DRICH1: variants seen among roughly 807,000 people sequenced by gnomAD.
DRICH1 encodes the protein aspartate-rich protein 1.
In DRICH1, 38 loss-of-function variants were observed where a neutral mutation model predicts 39.5. The ratio of observed to expected loss-of-function variants is 0.96; its 90% CI spans 0.74 to 1.26. The LOEUF is 1.26. Ranked by LOEUF, DRICH1 falls within the 50% of genes most tolerant of loss-of-function variation. The pLI is 0.00. For missense variants in DRICH1, 279 were observed against 270.4 expected, an observed-to-expected ratio of 1.03 and a Z score of -0.22; for synonymous variants, 84 against 99.5, an observed-to-expected ratio of 0.84 and a Z score of 0.93.
At chr22:23,588,042 A>G in the DRICH1 span, among the ~76,000 whole-genome samples, 2 of 152,166 alleles carry the variant, frequency 1.3e-5, no homozygotes, top group African/African-American at 4.8e-5. Flanking sequence ...CATGGAGCCC[A>G]GTCTCATACC....
chr22:23,616,404 A>G (rs1408832805), intron 8 of DRICH1, among the ~76,000 whole-genome samples: 1 of 152,212 alleles, frequency 6.6e-6, no homozygotes, highest in Non-Finnish European at 1.5e-5. Context: ...CTCTAAAAAG[A>G]ACAAACTTGA....
downstream of DRICH1, among the ~76,000 whole-genome samples, chr22:23,605,546 A>G (rs1040809645): frequency 3.9e-5 from 6 of 151,942 alleles, no homozygotes; most frequent in Non-Finnish European, 7.4e-5. Flanking sequence ...GGGGAGAGGA[A>G]GGGAGAAAGG....
intron 3 of DRICH1, among the ~76,000 whole-genome samples, chr22:23,623,127 GGGC>G (rs1927864369): frequency 6.6e-6 from 1 of 152,140 alleles, no homozygotes; most frequent in Non-Finnish European, 1.5e-5. Flanking sequence ...AAATTTGGCT[GGGC>G]ATGGTGGCTC....
chr22:23,587,342 G>A, the DRICH1 span, among the ~76,000 whole-genome samples: 2 of 152,178 alleles, frequency 1.3e-5, no homozygotes, highest in African/African-American at 4.8e-5. Context: ...GGGCACCTAG[G>A]GTCACCCGAT....
At chr22:23,590,163 T>C in the DRICH1 span, among the ~76,000 whole-genome samples, 1 of 152,262 alleles carries the variant, frequency 6.6e-6, no homozygotes, top group Admixed American at 6.5e-5. Context: ...GAGCCATGAA[T>C]CCTGGCTAGG....
the DRICH1 span, among the ~76,000 whole-genome samples, chr22:23,595,229 C>T: frequency 0.17 from 23,412 of 136,386 alleles, 1,379 homozygotes; most frequent in African/African-American, 0.28. Flanking sequence ...CCCTAGAGGC[C>T]GGAATCAGAC....
intron 8 of DRICH1, among the ~76,000 whole-genome samples, chr22:23,615,409 T>C (rs1262215271): frequency 6.6e-6 from 1 of 152,186 alleles, no homozygotes; most frequent in African/African-American, 2.4e-5. Flanking sequence ...TGATACCTAT[T>C]CATTCAGACA....
At chr22:23,603,322 C>A in the DRICH1 span, among the ~76,000 whole-genome samples, 1 of 151,736 alleles carries the variant, frequency 6.6e-6, no homozygotes, top group Non-Finnish European at 1.5e-5. Flanking sequence ...TCAGCTTCAC[C>A]CTCCCATTTC....
At chr22:23,632,678 G>GTT (rs5844568), upstream of DRICH1, 2 of 151,452 alleles carry the variant, frequency 1.3e-5, no homozygotes, top group African/African-American at 2.4e-5. Context: ...GAGGCTGAGC[G>GTT]GGGGGGGTGG....
At position 23,614,279 on chromosome 22, in the gene DRICH1, T is replaced by C. The variant is rs566819064; in HGVS notation, c.542-65A>G. ...GGTGACTCTGAGTCACTCGGGGAGC[T>C]TTGCTGGATGTGGTGTATGGAGGTG... is the stretch of plus-strand genomic sequence containing the variant. On this transcript the variant is annotated intron_variant, in intron 8 of 11. Coordinates refer to ENST00000317749, the MANE Select transcript of DRICH1 (RefSeq NM_016449.4). 68 of 1,156,858 alleles carry C rather than the reference T, an allele frequency of 5.9e-5. No individual in the cohort carries two copies. In the African/African-American group the frequency reaches 9.2e-4, roughly 16 times the overall value. The allele number at this position is 1,156,858 out of a possible 1,614,324, so 71.7% of individuals were successfully genotyped here. A position where few individuals can be genotyped will look rare whatever the true frequency, so the allele number is the denominator to read the frequency against.
chr22:23,598,283 A>G, the DRICH1 span, among the ~76,000 whole-genome samples: 8 of 149,060 alleles, frequency 5.4e-5, no homozygotes, highest in Non-Finnish European at 1.2e-4. Context: ...CTTGCCCAGG[A>G]TCACACAGCA....
intron 11 of DRICH1, among the ~76,000 whole-genome samples, chr22:23,610,953 T>C (rs1485843051): frequency 6.6e-6 from 1 of 151,836 alleles, no homozygotes; most frequent in Non-Finnish European, 1.5e-5. Context: ...TTCTCTCTGT[T>C]CTCATTCCAT....
chr22:23,586,539 T>TTTTG, the DRICH1 span, among the ~76,000 whole-genome samples: 1,877 of 152,094 alleles, frequency 0.012, 22 homozygotes, highest in South Asian at 0.039. Context: ...CTGATGAGGT[T>TTTTG]TTTGTTTGTT....
the DRICH1 span, among the ~76,000 whole-genome samples, chr22:23,595,720 C>T: frequency 4.6e-5 from 7 of 151,548 alleles, no homozygotes; most frequent in South Asian, 2.1e-4. Context: ...GGTCCCCTGT[C>T]CATTAATGAG....
intron 5 of DRICH1, among the ~76,000 whole-genome samples, chr22:23,620,010 C>T (rs1391621070): frequency 1.3e-5 from 2 of 151,992 alleles, no homozygotes; most frequent in Admixed American, 6.5e-5. Flanking sequence ...TTTTGCAGTG[C>T]CAGAGGCAGA....
chr22:23,582,162 A>G, the DRICH1 span, among the ~76,000 whole-genome samples: 1 of 149,582 alleles, frequency 6.7e-6, no homozygotes, highest in Non-Finnish European at 1.5e-5. Context: ...TATTATTAGT[A>G]GAGATGGGGT....
downstream of DRICH1, among the ~76,000 whole-genome samples, chr22:23,604,747 G>A (rs1237112753): frequency 6.6e-6 from 1 of 152,208 alleles, no homozygotes; most frequent in Non-Finnish European, 1.5e-5. Context: ...AACTGAGGCT[G>A]CAGAGGTGCA....
At chr22:23,604,670 A>G (rs554178946), downstream of DRICH1, among the ~76,000 whole-genome samples, 2 of 152,240 alleles carry the variant, frequency 1.3e-5, no homozygotes, top group African/African-American at 4.8e-5. Context: ...CACCACGGCC[A>G]CTGCAGGGGT....
At position 23,631,832 on chromosome 22, in the gene DRICH1, G is replaced by A; in HGVS notation, c.192C>T (p.Asn64=). Residue 64 remains asparagine, a synonymous_variant, in exon 1 of 12, where the codon AAC becomes AAT. Coordinates refer to ENST00000317749, the MANE Select transcript of DRICH1 (RefSeq NM_016449.4). ...CTTTTTTACCTGTGGGCATCTTTTG[G>A]TTGCTGATGTGCTGCAGGTCTTGGC... is the stretch of plus-strand genomic sequence containing the variant. The part of the protein sequence containing the change: ...TEGQDLQHIS[N]QKMPTGPPED... 1 of 1,612,288 alleles carries A rather than the reference G, an allele frequency of 6.2e-7. No homozygotes were observed. The highest frequency in any genetic ancestry group is 1.7e-5 in the Admixed American group (1 of 60,024).
Sources: gnomAD v4.1 joint callset for allele counts (sites outside exome capture counted in the v4.1 genomes callset) on GRCh38, gnomAD v4.1.1 for gene constraint, MANE v1.5 for transcripts, NCBI Gene and HGNC (gene_info 2026-07-23, HGNC 2026-07-21) for gene names.